The following COL4A2 variants were observed in gnomAD, a reference collection of about 807,000 sequenced individuals.
COL4A2 encodes collagen alpha-2(IV) chain.
A neutral mutation model predicts 200.2 loss-of-function variants in COL4A2; 99 were observed. That is an observed-to-expected ratio of 0.49 (90% CI 0.42 to 0.58). The LOEUF is 0.58. COL4A2 is among the 20% of genes least tolerant of loss of function. COL4A2 has a pLI of 0.00. For missense variants in COL4A2, 1,950 were observed against 2,314.1 expected (o/e 0.84, Z 3.23); for synonymous variants, 897 against 900.6 (o/e 1.00, Z 0.07).
In COL4A2 at chr13:110,412,636, T is replaced by A. The variant is rs1340081045; in HGVS notation, c.181-12098T>A. Among the ~76,000 whole-genome samples the A allele has an allele frequency of 3.3e-5, 5 of 152,220 alleles. No homozygotes were observed. In the East Asian group the frequency reaches 9.6e-4, roughly 29 times the overall value. ...TTGACAAACTCACCCCTTCCCTCCATAACCTTTACGCCCCTGAGTCACAGT... is the reference window on the plus strand; with the variant it reads ...TTGACAAACTCACCCCTTCCCTCCAAAACCTTTACGCCCCTGAGTCACAGT... On this transcript the variant is annotated intron_variant, in intron 4 of 47. Transcript: ENST00000360467.
chr13:110,464,360 C>T (rs1446577678), intron 24 of COL4A2, among the ~76,000 whole-genome samples: 2 of 152,088 alleles, frequency 1.3e-5, no homozygotes, highest in Non-Finnish European at 2.9e-5. Flanking sequence ...GCTTGTGTGC[C>T]TTCCTTGTTT....
intron 3 of COL4A2, among the ~76,000 whole-genome samples, chr13:110,352,742 G>T (rs1203052268): frequency 6.6e-6 from 1 of 152,188 alleles, no homozygotes; most frequent in Non-Finnish European, 1.5e-5. Flanking sequence ...CCTATGAGGA[G>T]GTGAGAGTCA....
chr13:110,491,658 C>G (rs1883288317), intron 37 of COL4A2, among the ~76,000 whole-genome samples: 1 of 152,138 alleles, frequency 6.6e-6, no homozygotes, highest in Non-Finnish European at 1.5e-5. Flanking sequence ...GCAGAAACCC[C>G]TATGAACATC....
intron 10 of COL4A2, among the ~76,000 whole-genome samples, chr13:110,431,631 A>T (rs1880684776): frequency 6.6e-6 from 1 of 152,134 alleles, no homozygotes; most frequent in Admixed American, 6.5e-5. Context: ...GTTGGATTTC[A>T]TACTTTAAAT....
chr13:110,358,173 T>C (rs1266674512), intron 4 of COL4A2, among the ~76,000 whole-genome samples: 1 of 152,204 alleles, frequency 6.6e-6, no homozygotes, highest in African/African-American at 2.4e-5. Flanking sequence ...TTTTCTACGT[T>C]TTTATTCGAT....
chr13:110,384,189 C>G (rs1878597008), intron 4 of COL4A2, among the ~76,000 whole-genome samples: 1 of 152,170 alleles, frequency 6.6e-6, no homozygotes, highest in East Asian at 1.9e-4. Context: ...CAAAATTGCC[C>G]TAAAAGCTGC....
chr13:110,450,276 C>T lies in COL4A2; in HGVS notation c.1190-29C>T, dbSNP rs201060242. 1.5e-4 allele frequency: 243 copies of T among 1,602,930 alleles called. No homozygotes were observed. In the African/African-American group the frequency reaches 2.7e-3, roughly 18 times the overall value. On this transcript the variant is annotated intron_variant, in intron 19 of 47. Coordinates refer to ENST00000360467, the MANE Select transcript of COL4A2 (RefSeq NM_001846.4). The stretch of plus-strand genomic sequence containing the variant: ...GCAGCGGTGTGGTATGGGAGACTCA[C>T]GCTGCAGGTGAATGCTGTTTGGTTT...
At chr13:110,464,253 TG>T (rs1408431945) in intron 24 of COL4A2, among the ~76,000 whole-genome samples, 1 of 151,992 alleles carries the variant, frequency 6.6e-6, no homozygotes, top group Non-Finnish European at 1.5e-5. Context: ...TGGGGGCAGG[TG>T]GTCGGAGCAG....
intron 4 of COL4A2, among the ~76,000 whole-genome samples, chr13:110,386,361 A>AAGAG (rs532226366): frequency 3.8e-4 from 58 of 152,342 alleles, no homozygotes; most frequent in African/African-American, 1.3e-3. Context: ...ACTTTGTAAG[A>AAGAG]AGAGAGACTC....
chr13:110,458,994 G>A (rs1232626119), intron 22 of COL4A2, 60 bp downstream of exon 22: 16 of 1,436,572 alleles, frequency 1.1e-5, no homozygotes, highest in Middle Eastern at 2.5e-4. Flanking sequence ...CAGGTGTCCC[G>A]TTCTTGCCTT....
At chr13:110,332,984 C>T (rs1362075892) in intron 3 of COL4A2, among the ~76,000 whole-genome samples, 1 of 152,166 alleles carries the variant, frequency 6.6e-6, no homozygotes, top group Non-Finnish European at 1.5e-5. Context: ...ATGAGGCTTC[C>T]CAACCCACCA....
chr13:110,313,988 T>C (rs902201643), intron 3 of COL4A2, among the ~76,000 whole-genome samples: 1 of 152,378 alleles, frequency 6.6e-6, no homozygotes, highest in African/African-American at 2.4e-5. Context: ...AGCAACATGC[T>C]TTTTTGTAAA....
intron 3 of COL4A2, among the ~76,000 whole-genome samples, chr13:110,314,990 G>A (rs2139344167): frequency 6.6e-6 from 1 of 152,320 alleles, no homozygotes. Context: ...TAGGGGCCAA[G>A]GGAAAGGGGC....
chr13:110,335,452 T>C (rs1441835946), intron 3 of COL4A2, among the ~76,000 whole-genome samples: 3 of 152,182 alleles, frequency 2.0e-5, no homozygotes, highest in Admixed American at 6.5e-5. Context: ...TGCTTGGTTA[T>C]CACTCTCTCT....
At chr13:110,469,106 C>G (rs1882362952) in intron 27 of COL4A2, 111 bp from the exon 28 acceptor site, 2 of 1,236,056 alleles carry the variant, frequency 1.6e-6, no homozygotes, top group Non-Finnish European at 2.3e-6. Context: ...TCCCCCCAGC[C>G]TCATCATTTC....
At chr13:110,353,165 A>C (rs543983175) in intron 3 of COL4A2, among the ~76,000 whole-genome samples, 1 of 152,234 alleles carries the variant, frequency 6.6e-6, no homozygotes, top group African/African-American at 2.4e-5. Context: ...GGTGAGACCC[A>C]TGCAGGATTC....
In COL4A2 at chr13:110,307,841, C is replaced by G; in HGVS notation, c.-44-19C>G. ...CCTCCCTCATCCTGCGCTAAACTCG[C>G]TTTGTCTGTCGCCTCTAGGCTAAGT... is the stretch of plus-strand genomic sequence containing the variant. On this transcript the variant is annotated intron_variant, in intron 1 of 47. Coordinates refer to ENST00000360467, the MANE Select transcript of COL4A2 (RefSeq NM_001846.4). The surrounding 1 kb of genome is among the most constrained non-coding windows in gnomAD (Gnocchi z 5.0). 2 of 1,556,364 alleles carry G rather than the reference C, an allele frequency of 1.3e-6. No homozygotes were observed. Among genetic ancestry groups the G allele is most frequent in the African/African-American group, 1.4e-5 (1 of 73,554 alleles).
At chr13:110,450,643 G>A (rs1881506968) in intron 20 of COL4A2, among the ~76,000 whole-genome samples, 189 bp downstream of exon 20, 1 of 152,216 alleles carries the variant, frequency 6.6e-6, no homozygotes, top group African/African-American at 2.4e-5. Flanking sequence ...CGCAGGAGCT[G>A]GGGATGGAAG....
intron 3 of COL4A2, among the ~76,000 whole-genome samples, chr13:110,325,533 C>T (rs199902928): frequency 1.3e-5 from 2 of 152,118 alleles, no homozygotes; most frequent in East Asian, 3.9e-4. Flanking sequence ...CCAGGGAAAT[C>T]GTATTGGAAG....
Sources: allele counts gnomAD v4.1 joint callset (sites outside exome capture counted in the v4.1 genomes callset), GRCh38; gene constraint gnomAD v4.1.1; non-coding constraint Gnocchi (gnomAD v3.1); transcripts MANE v1.5; gene names NCBI Gene and HGNC (gene_info 2026-07-23, HGNC 2026-07-21).